SCHIP1: variants seen among roughly 807,000 people sequenced by gnomAD.
SCHIP1 encodes schwannomin-interacting protein 1.
In SCHIP1, 8 loss-of-function variants were observed where a neutral mutation model predicts 29.7. The ratio of observed to expected loss-of-function variants is 0.27; its 90% confidence interval spans 0.16 to 0.49. The LOEUF is 0.49. Among genes scored for constraint, SCHIP1 ranks in the 20% least tolerant of loss-of-function variants. The probability of loss-of-function intolerance (pLI) is 0.99; values close to 1 mark genes in which losing one functional copy is unlikely to be tolerated. For synonymous variants in SCHIP1, 76 were observed against 94.9 expected, an observed-to-expected ratio of 0.80 and a Z score of 1.16; for missense variants, 193 against 294.6, an observed-to-expected ratio of 0.66 and a Z score of 2.52.
chr3:159,658,586 A>G, the SCHIP1 span, among the ~76,000 whole-genome samples: 4 of 152,252 alleles, frequency 2.6e-5, no homozygotes, highest in South Asian at 6.2e-4. Context: ...TGGTTCAGAC[A>G]TTGAGCCTTA....
chr3:159,839,767 G>A, upstream of SCHIP1: 1 of 570,606 alleles, frequency 1.8e-6, no homozygotes, highest in African/African-American at 2.0e-5. Context: ...CTCCCTCGCT[G>A]GCCTTTTTCT....
chr3:159,754,734 A>G, the SCHIP1 span, among the ~76,000 whole-genome samples: 4 of 152,346 alleles, frequency 2.6e-5, no homozygotes, highest in South Asian at 6.2e-4. Flanking sequence ...CATCCTGCCC[A>G]AGCCAAGATG....
the SCHIP1 span, among the ~76,000 whole-genome samples, chr3:159,351,324 G>GACTT: frequency 6.6e-6 from 1 of 152,102 alleles, no homozygotes; most frequent in African/African-American, 2.4e-5. Context: ...GAGGTGAAGT[G>GACTT]ACTTACTCAA....
chr3:159,537,884 G>T, the SCHIP1 span, among the ~76,000 whole-genome samples: 1 of 152,094 alleles, frequency 6.6e-6, no homozygotes, highest in South Asian at 2.1e-4. Context: ...AATATACATA[G>T]TGTATTAAAG....
the SCHIP1 span, among the ~76,000 whole-genome samples, chr3:159,703,445 A>G: frequency 6.6e-6 from 1 of 152,192 alleles, no homozygotes; most frequent in Non-Finnish European, 1.5e-5. Flanking sequence ...CAGGATTTGT[A>G]GCTGATATAC....
At chr3:159,765,819 G>A in the SCHIP1 span, 1 of 152,166 alleles carries the variant, frequency 6.6e-6, no homozygotes, top group Non-Finnish European at 1.5e-5. Context: ...CACTCCCTCT[G>A]CTGTGAATCC....
exon 4 of SCHIP1, chr3:159,887,763 C>T: frequency 6.2e-7 from 1 of 1,614,020 alleles, no homozygotes; most frequent in South Asian, 1.1e-5. Flanking sequence ...GAGTCTGAAT[C>T]CTTGGATGAC....
chr3:159,345,423 G>T, the SCHIP1 span, among the ~76,000 whole-genome samples: 24 of 152,060 alleles, frequency 1.6e-4, no homozygotes, highest in Non-Finnish European at 1.6e-4. Flanking sequence ...ATTAATATTT[G>T]ACCTTTAAAC....
chr3:159,587,447 A>C, the SCHIP1 span, among the ~76,000 whole-genome samples: 1 of 151,876 alleles, frequency 6.6e-6, no homozygotes, highest in Non-Finnish European at 1.5e-5. Context: ...AAATTTTTCC[A>C]GACATTTGAC....
chr3:159,662,976 G>T, the SCHIP1 span, among the ~76,000 whole-genome samples: 1 of 152,184 alleles, frequency 6.6e-6, no homozygotes, highest in Non-Finnish European at 1.5e-5. Context: ...TATCCTTTCT[G>T]CCATCAACAG....
At chr3:159,567,502 A>AT in the SCHIP1 span, among the ~76,000 whole-genome samples, 19 of 151,330 alleles carry the variant, frequency 1.3e-4, no homozygotes, top group African/African-American at 3.2e-4. Flanking sequence ...TGTGAGACAG[A>AT]TTTTTTTTTC....
Position 159,875,625 on chromosome 3 carries a change from G to A in SCHIP1, c.149+9344G>A, listed in dbSNP as rs560838669. 4.6e-5 allele frequency among the ~76,000 whole-genome samples: 7 copies of A among 152,272 alleles called. No individual in the cohort carries two copies. In the South Asian group the frequency reaches 1.0e-3, roughly 23 times the overall value. On this transcript the variant is annotated intron_variant, in intron 2 of 6. Coordinates refer to ENST00000445224, the Ensembl canonical transcript of SCHIP1. The stretch of plus-strand genomic sequence containing the variant: ...ATGTGTCTAGACACACACAGTTCAC[G>A]TGACAGTGCTCCATTGAGAGTGCAC...
chr3:159,585,844 T>C, the SCHIP1 span, among the ~76,000 whole-genome samples: 3 of 152,180 alleles, frequency 2.0e-5, no homozygotes, highest in Admixed American at 6.6e-5. Context: ...TAGAATGTTT[T>C]ATCATAATTT....
At chr3:159,600,225 G>A in the SCHIP1 span, among the ~76,000 whole-genome samples, 1 of 152,216 alleles carries the variant, frequency 6.6e-6, no homozygotes, top group African/African-American at 2.4e-5. Flanking sequence ...CCTGGGGATT[G>A]TTGAACCTTC....
chr3:159,340,626 G>A, the SCHIP1 span, among the ~76,000 whole-genome samples: 1 of 152,044 alleles, frequency 6.6e-6, no homozygotes, highest in Admixed American at 6.6e-5. Flanking sequence ...TCACTCATAT[G>A]TCCACCTTTA....
chr3:159,499,302 C>T, the SCHIP1 span, among the ~76,000 whole-genome samples: 1 of 152,142 alleles, frequency 6.6e-6, no homozygotes, highest in Non-Finnish European at 1.5e-5. Context: ...TCTATTCTCC[C>T]AGCTGAAAAT....
At chr3:159,399,492 G>A in the SCHIP1 span, among the ~76,000 whole-genome samples, 1 of 152,034 alleles carries the variant, frequency 6.6e-6, no homozygotes, top group African/African-American at 2.4e-5. Context: ...ATAAATATTT[G>A]TTGTCTATAT....
the SCHIP1 span, among the ~76,000 whole-genome samples, chr3:159,581,082 A>C: frequency 2.6e-5 from 4 of 152,212 alleles, no homozygotes; most frequent in African/African-American, 9.6e-5. Context: ...CAGTGTTGAT[A>C]GTACTTTCTT....
At chr3:159,574,742 C>T in the SCHIP1 span, among the ~76,000 whole-genome samples, 1 of 152,188 alleles carries the variant, frequency 6.6e-6, no homozygotes, top group African/African-American at 2.4e-5. Flanking sequence ...AGCAATAGGC[C>T]TTATTGAGCT....
Sources: gnomAD v4.1 joint callset for allele counts (sites outside exome capture counted in the v4.1 genomes callset) on GRCh38, gnomAD v4.1.1 for gene constraint, MANE v1.5 for transcripts, NCBI Gene and HGNC (gene_info 2026-07-23, HGNC 2026-07-21) for gene names.